GRIN2A: variants seen among roughly 807,000 people sequenced by gnomAD.
GRIN2A encodes the protein glutamate ionotropic receptor NMDA type subunit 2A.
Under a neutral mutation model 113.4 loss-of-function variants are expected in GRIN2A, and 22 were observed. The observed-to-expected ratio is 0.19, with a 90% confidence interval of 0.14 to 0.28. GRIN2A has a LOEUF of 0.28. Among genes scored for constraint, GRIN2A ranks in the 10% least tolerant of loss-of-function variants. The pLI, the probability that GRIN2A is intolerant of heterozygous loss-of-function variation, is 1.00. For synonymous variants in GRIN2A, 827 were observed against 738.4 expected (o/e 1.12, Z -1.94); for missense variants, 1,502 against 1,887.0 (o/e 0.80, Z 3.78).
intron 2 of GRIN2A, among the ~76,000 whole-genome samples, chr16:10,045,042 A>T (rs755106133): frequency 3.3e-5 from 5 of 152,200 alleles, no homozygotes; most frequent in Non-Finnish European, 7.4e-5. Context: ...AAGAAAAAAA[A>T]CCTGTGCCTG....
At chr16:10,112,049 C>A in intron 2 of GRIN2A, 5 of 624,164 alleles carry the variant, frequency 8.0e-6, no homozygotes, top group Non-Finnish European at 1.5e-5. Flanking sequence ...TCGTCTCCCA[C>A]ACCAACCTGA....
chr16:10,124,685 T>C (rs142384031), intron 2 of GRIN2A, among the ~76,000 whole-genome samples: 15 of 152,286 alleles, frequency 9.8e-5, no homozygotes, highest in African/African-American at 3.4e-4. Flanking sequence ...CATTCATTCA[T>C]TCATGATATT....
In GRIN2A at chr16:10,129,357, T is replaced by C. The variant is rs115382734; in HGVS notation, c.414+50641A>G. On this transcript the variant is annotated intron_variant, in intron 2 of 12. Coordinates refer to ENST00000330684, the MANE Select transcript of GRIN2A (RefSeq NM_001134407.3). ...TGCTTTCAAAGGACACATGCTTTAATGGGAGGAGTTTGATTAAAAAAAAAA... is the reference window on the plus strand; with the variant it reads ...TGCTTTCAAAGGACACATGCTTTAACGGGAGGAGTTTGATTAAAAAAAAAA... Among the ~76,000 whole-genome samples, 396 of 109,794 alleles carry C rather than the reference T, an allele frequency of 3.6e-3. 1 individual carries two copies. Among genetic ancestry groups the C allele is most frequent in the African/African-American group, 0.012 (383 of 30,948 alleles). 72.0% of individuals were successfully genotyped at this position (109,794 alleles called of 152,430 possible).
chr16:9,915,671 T>A (rs568175653), intron 3 of GRIN2A, among the ~76,000 whole-genome samples: 14 of 152,334 alleles, frequency 9.2e-5, no homozygotes, highest in Non-Finnish European at 1.9e-4. Flanking sequence ...AAGTACACCA[T>A]CAATGGAGGT....
chr16:10,120,436 T>C (rs2048811014), intron 2 of GRIN2A, among the ~76,000 whole-genome samples: 1 of 152,226 alleles, frequency 6.6e-6, no homozygotes, highest in African/African-American at 2.4e-5. Context: ...TTAATCATTT[T>C]ATAACTTTCT....
At chr16:9,824,029 C>G (rs1438044127) in intron 9 of GRIN2A, among the ~76,000 whole-genome samples, 3 of 152,194 alleles carry the variant, frequency 2.0e-5, no homozygotes, top group Admixed American at 2.0e-4. Context: ...AAGAGTCAAA[C>G]CAGCTAGAAA....
intron 2 of GRIN2A, among the ~76,000 whole-genome samples, chr16:10,052,233 G>C (rs993913701): frequency 6.6e-6 from 1 of 152,218 alleles, no homozygotes; most frequent in Non-Finnish European, 1.5e-5. Flanking sequence ...TCTCCATCTG[G>C]AATAAGAGAA....
At chr16:10,162,328 G>A (rs964853859) in intron 2 of GRIN2A, among the ~76,000 whole-genome samples, 2 of 152,168 alleles carry the variant, frequency 1.3e-5, no homozygotes, top group Non-Finnish European at 2.9e-5. Context: ...TTACAGAAGA[G>A]GAGTGAGGAG....
intron 10 of GRIN2A, among the ~76,000 whole-genome samples, chr16:9,819,898 G>A (rs1177079160): frequency 9.1e-6 from 1 of 110,092 alleles, no homozygotes; most frequent in Non-Finnish European, 1.7e-5. Flanking sequence ...TCCAGCATGA[G>A]CAACAAGAGC....
rs573976394 is a variant in GRIN2A, at chr16:9,789,978, T to C, written c.2356+8299A>G. On this transcript the variant is annotated intron_variant, in intron 11 of 12. Coordinates refer to ENST00000330684, the MANE Select transcript of GRIN2A (RefSeq NM_001134407.3). ...CAGTGGTGTGTGCCTGGGAACACTA[T>C]GGATATGAAACTTGTCTACTGTTCT... is the stretch of plus-strand genomic sequence containing the variant. 1.9e-4 allele frequency among the ~76,000 whole-genome samples: 29 copies of C among 152,320 alleles called. No individual in the cohort carries two copies. In the South Asian group the frequency reaches 6.0e-3, roughly 32 times the overall value.
At chr16:9,831,641 G>A (rs766140110) in intron 8 of GRIN2A, among the ~76,000 whole-genome samples, 28 of 150,872 alleles carry the variant, frequency 1.9e-4, no homozygotes, top group Non-Finnish European at 3.5e-4. Context: ...TCAGCCTCCC[G>A]AACTGCTGGG....
At chr16:10,120,358 A>G (rs1189441816) in intron 2 of GRIN2A, among the ~76,000 whole-genome samples, 3 of 152,180 alleles carry the variant, frequency 2.0e-5, no homozygotes, top group Non-Finnish European at 4.4e-5. Flanking sequence ...TCTCCTGCTC[A>G]AAATGTCCAT....
intron 3 of GRIN2A, among the ~76,000 whole-genome samples, chr16:9,894,209 G>A (rs1473639066): frequency 6.6e-6 from 1 of 152,178 alleles, no homozygotes; most frequent in Non-Finnish European, 1.5e-5. Context: ...TAAGGCAGAT[G>A]GTTATGTTAT....
At chr16:10,022,275 GCA>G (rs199604849) in intron 2 of GRIN2A, among the ~76,000 whole-genome samples, 5,822 of 152,102 alleles carry the variant, frequency 0.038, 390 homozygotes, top group African/African-American at 0.13. Flanking sequence ...ACACATGCAT[GCA>G]CAGAGTCACA....
chr16:9,963,165 T>C (rs943429986), intron 2 of GRIN2A, among the ~76,000 whole-genome samples: 3 of 149,546 alleles, frequency 2.0e-5, no homozygotes, highest in African/African-American at 7.3e-5. Flanking sequence ...ATATACCTAA[T>C]GCTAAATGAC....
intron 3 of GRIN2A, among the ~76,000 whole-genome samples, chr16:9,899,378 T>TGTG (rs1380086551): frequency 4.4e-5 from 6 of 137,428 alleles, no homozygotes; most frequent in African/African-American, 1.7e-4. Flanking sequence ...AGGTGGAGGT[T>TGTG]GTGGTGAGTG....
intron 3 of GRIN2A, among the ~76,000 whole-genome samples, chr16:9,916,447 T>C (rs2044251979): frequency 6.6e-6 from 1 of 152,208 alleles, no homozygotes; most frequent in South Asian, 2.1e-4. Flanking sequence ...GGTCTTCTCA[T>C]TCTTCCCTCA....
At chr16:10,155,013 C>A (rs2049660181) in intron 2 of GRIN2A, among the ~76,000 whole-genome samples, 1 of 152,172 alleles carries the variant, frequency 6.6e-6, no homozygotes, top group African/African-American at 2.4e-5. Context: ...GTCTGTAGCG[C>A]AGGACTTCTC....
chr16:10,075,392 C>T (rs371099044), intron 2 of GRIN2A, among the ~76,000 whole-genome samples: 1 of 151,826 alleles, frequency 6.6e-6, no homozygotes, highest in African/African-American at 2.4e-5. Context: ...CTAAAATAGG[C>T]AAATTTATAG....
Sources: allele counts gnomAD v4.1 joint callset (sites outside exome capture counted in the v4.1 genomes callset), GRCh38; gene constraint gnomAD v4.1.1; transcripts MANE v1.5; gene names NCBI Gene and HGNC (gene_info 2026-07-23, HGNC 2026-07-21).